Variants in JHY observed in about 807,000 individuals in gnomAD.
JHY encodes jhy protein homolog.
In JHY, 69 loss-of-function variants were observed where a neutral mutation model predicts 78.0. The ratio of observed to expected loss-of-function variants is 0.88; its 90% CI spans 0.73 to 1.08. JHY has a LOEUF of 1.08. JHY is among the 50% of genes least tolerant of loss of function. The probability of loss-of-function intolerance (pLI) is 0.00; values close to 1 mark genes in which losing one functional copy is unlikely to be tolerated. For missense variants in JHY, 944 were observed against 927.8 expected (o/e 1.02, Z -0.23); for synonymous variants, 368 against 342.6 (o/e 1.07, Z -0.82).
chr11:122,951,502 C>T (rs1388291212), intron 6 of JHY, among the ~76,000 whole-genome samples: 1 of 152,172 alleles, frequency 6.6e-6, no homozygotes. Flanking sequence ...CTTGCTGTTC[C>T]ACAGTGTTTG....
At chr11:122,907,673 C>T (rs772237372) in intron 3 of JHY, among the ~76,000 whole-genome samples, 2 of 151,788 alleles carry the variant, frequency 1.3e-5, no homozygotes, top group African/African-American at 2.4e-5. Flanking sequence ...GGAGAAAACC[C>T]GTCTCTATTA....
chr11:122,905,132 A>G (rs1301530333), intron 3 of JHY: 8 of 1,446,742 alleles, frequency 5.5e-6, no homozygotes, highest in Non-Finnish European at 7.8e-6. Context: ...CTTTATTTGT[A>G]AAATTGGGAC....
Position 122,946,135 on chromosome 11 carries a change from CT to C in JHY, c.1635-360del, listed in dbSNP as rs534615649. On this transcript the variant is annotated intron_variant, in intron 5 of 8. Coordinates refer to ENST00000227349, the MANE Select transcript of JHY (RefSeq NM_024806.4). The stretch of plus-strand genomic sequence containing the variant: ...TTTTATTCCTTTTGTTCGTTTTGGT[CT>C]TTAGAGATTTCTGTTTATCTTACCA... 1.8e-3 allele frequency among the ~76,000 whole-genome samples: 278 copies of C among 152,270 alleles called. 1 individual carries two copies. The highest frequency in any genetic ancestry group is 2.6e-3 in the Non-Finnish European group (174 of 68,010).
intron 3 of JHY, among the ~76,000 whole-genome samples, chr11:122,923,072 G>C (rs1285683124): frequency 2.0e-5 from 3 of 152,318 alleles, no homozygotes; most frequent in South Asian, 2.1e-4. Context: ...CCTGAGTACT[G>C]CAGCACAGGG....
In JHY at chr11:122,962,483, T is replaced by G. The variant is rs1352768097; in HGVS notation, c.*3038T>G. On this transcript the variant is annotated 3_prime_UTR_variant, in exon 9 of 9. Transcript: ENST00000227349. Reference sequence around the variant, plus strand: ...ATGTTTCAGTGGGATTTGGAAAATGTAATATATGAGGCATTAGACAGGAAA... The same window carrying G: ...ATGTTTCAGTGGGATTTGGAAAATGGAATATATGAGGCATTAGACAGGAAA... Among the ~76,000 whole-genome samples, 1 of 152,152 alleles carries G rather than the reference T, an allele frequency of 6.6e-6. No homozygotes were observed. Among genetic ancestry groups the G allele is most frequent in the Non-Finnish European group, 1.5e-5 (1 of 68,014 alleles).
At chr11:122,937,746 C>A (rs1338042287) in intron 5 of JHY, among the ~76,000 whole-genome samples, 1 of 152,082 alleles carries the variant, frequency 6.6e-6, no homozygotes, top group Non-Finnish European at 1.5e-5. Flanking sequence ...CCTTCGTCAC[C>A]CTTCCCGTTT....
rs762142147 is a variant in JHY, at chr11:122,946,508, T to C, written c.1645T>C (p.Ser549Pro). 1.9e-6 allele frequency: 3 copies of C among 1,569,844 alleles called. No homozygotes were observed. The highest frequency in any genetic ancestry group is 2.6e-6 in the Non-Finnish European group (3 of 1,162,278). ...TTTTTTTTCATTAAGGAAATTCCAT[T>C]CTTCTTCTGACAGCCAGACGGTTAG... is the stretch of plus-strand genomic sequence containing the variant. The part of the protein sequence containing the change: ...RNLEMLWKFH[S>P]SSDSQTVRAS... Residue 549 changes from serine (S) to proline (P), a missense_variant, in exon 6 of 9, where the codon TCT becomes CCT. By Grantham distance (74) the Ser-to-Pro change is moderately conservative. Transcript: ENST00000227349.
At chr11:122,912,210 C>G (rs898800002) in intron 3 of JHY, among the ~76,000 whole-genome samples, 1 of 151,082 alleles carries the variant, frequency 6.6e-6, no homozygotes, top group Non-Finnish European at 1.5e-5. Context: ...TCACTTGAAC[C>G]TGGGAGGCGG....
intron 2 of JHY, among the ~76,000 whole-genome samples, chr11:122,903,142 C>T (rs1043083524): frequency 6.6e-6 from 1 of 152,180 alleles, no homozygotes; most frequent in Non-Finnish European, 1.5e-5. Flanking sequence ...ATTGTAGGAC[C>T]TCAGTCGTAT....
intron 5 of JHY, among the ~76,000 whole-genome samples, chr11:122,938,333 C>G (rs1232798570): frequency 1.3e-5 from 2 of 152,016 alleles, no homozygotes; most frequent in Non-Finnish European, 2.9e-5. Context: ...GTTCTACTGT[C>G]TGGGAGGGTT....
At chr11:122,918,885 A>C (rs965559162) in intron 3 of JHY, among the ~76,000 whole-genome samples, 1 of 151,980 alleles carries the variant, frequency 6.6e-6, no homozygotes, top group African/African-American at 2.4e-5. Flanking sequence ...ACAGTCCAGA[A>C]GGGGGGAAGA....
At position 122,934,842 on chromosome 11, in the gene JHY, T is replaced by C. The variant is rs762531752; in HGVS notation, c.1401T>C (p.Asn467=). Residue 467 remains asparagine (N), a synonymous_variant, in exon 5 of 9, where the codon AAT becomes AAC. Transcript: ENST00000227349. ...GATGTGACTCTGGGCTGAATGTTAA[T>C]AAAGAAAGAGGACACAAAGACCAAG... is the stretch of plus-strand genomic sequence containing the variant. The part of the protein sequence containing the change: ...STGCDSGLNV[N]KERGHKDQEE... 1.2e-6 allele frequency: 2 copies of C among 1,613,818 alleles called. No homozygotes were observed. Among genetic ancestry groups the C allele is most frequent in the Admixed American group, 1.7e-5 (1 of 59,954 alleles).
At chr11:122,939,325 T>A (rs573757485) in intron 5 of JHY, among the ~76,000 whole-genome samples, 8 of 152,242 alleles carry the variant, frequency 5.3e-5, no homozygotes, top group Non-Finnish European at 1.0e-4. Flanking sequence ...AAATCTTTTT[T>A]AAGTAACTCT....
At chr11:122,910,412 G>A (rs939558697) in intron 3 of JHY, among the ~76,000 whole-genome samples, 20 of 151,892 alleles carry the variant, frequency 1.3e-4, no homozygotes, top group African/African-American at 3.1e-4. Flanking sequence ...CAGGGTTTCC[G>A]TGAGCCAAGA....
At chr11:122,910,646 A>G (rs1863097874) in intron 3 of JHY, among the ~76,000 whole-genome samples, 2 of 152,194 alleles carry the variant, frequency 1.3e-5, no homozygotes, top group African/African-American at 2.4e-5. Flanking sequence ...ATTTTGAACC[A>G]TACTTATGTA....
At chr11:122,940,252 C>A (rs1863845577) in intron 5 of JHY, among the ~76,000 whole-genome samples, 1 of 152,046 alleles carries the variant, frequency 6.6e-6, no homozygotes, top group South Asian at 2.1e-4. Context: ...GCAGGAGAAT[C>A]TCTTCAGCCT....
intron 7 of JHY, 131 bp from the exon 8 acceptor site, chr11:122,957,232 A>T: frequency 1.0e-6 from 1 of 993,596 alleles, no homozygotes; most frequent in Non-Finnish European, 1.4e-6. Flanking sequence ...CACCTTACTC[A>T]AGGTGATCCC....
At chr11:122,913,140 T>C (rs1467070161) in intron 3 of JHY, among the ~76,000 whole-genome samples, 1 of 152,064 alleles carries the variant, frequency 6.6e-6, no homozygotes, top group Admixed American at 6.6e-5. Flanking sequence ...AAAGACTGCC[T>C]GCAAAGGGGG....
Position 122,935,950 on chromosome 11 carries a change from AG to A in JHY, c.1634+877del, listed in dbSNP as rs1238044752. Among the ~76,000 whole-genome samples the A allele has an allele frequency of 6.6e-6, 1 of 152,212 alleles. No individual in the cohort carries two copies. Among genetic ancestry groups the A allele is most frequent in the African/African-American group, 2.4e-5 (1 of 41,464 alleles). ...ACTGGTAGAAGAAAAAGTACATCTA[AG>A]GAGTATGAGTTCTACTGTGTTAAAA... On this transcript the variant is annotated intron_variant, in intron 5 of 8. Transcript: ENST00000227349. This position sits in a 1 kb window ranked among gnomAD's most constrained non-coding sequence, Gnocchi z 4.5.
Sources: gnomAD v4.1 joint callset for allele counts (sites outside exome capture counted in the v4.1 genomes callset) on GRCh38, gnomAD v4.1.1 for gene constraint, Gnocchi (gnomAD v3.1) non-coding constraint, MANE v1.5 for transcripts, NCBI Gene and HGNC (gene_info 2026-07-23, HGNC 2026-07-21) for gene names.